Variants in NBPF10 observed in about 807,000 individuals in gnomAD.
NBPF10 encodes the protein NBPF member 10, also known as NBPF family member NBPF10.
A neutral mutation model predicts 77.9 loss-of-function variants in NBPF10; 63 were observed. That is an observed-to-expected ratio of 0.81 (90% confidence interval 0.66 to 1.00). The LOEUF (loss-of-function observed/expected upper bound fraction) is 1.00, where lower values mean the gene tolerates loss of function less well. NBPF10 is among the 50% of genes least tolerant of loss of function. The pLI is 0.00. For missense variants in NBPF10, 522 were observed against 679.8 expected, an observed-to-expected ratio of 0.77 and a Z score of 2.58; for synonymous variants, 146 against 264.5, an observed-to-expected ratio of 0.55 and a Z score of 4.35.
At chr1:146,121,926 A>G (rs1418528985) in intron 19 of NBPF10, among the ~76,000 whole-genome samples, 8,713 of 142,030 alleles carry the variant, frequency 0.061, 297 homozygotes, top group African/African-American at 0.24. Context: ...TGGCCAGGTG[A>G]CATACTGGTA....
chr1:146,126,196 A>G (rs2102168770), intron 14 of NBPF10, 40 bp downstream of exon 14: 1 of 1,105,946 alleles, frequency 9.0e-7, no homozygotes, highest in Admixed American at 1.7e-5. Context: ...TAACCAGAAG[A>G]CTCAGTGGAT....
At chr1:146,136,801 G>A (rs1401680870) in intron 6 of NBPF10, among the ~76,000 whole-genome samples, 7 of 147,024 alleles carry the variant, frequency 4.8e-5, no homozygotes, top group African/African-American at 1.8e-4. Flanking sequence ...CACTGCACTG[G>A]GGCATGAAGT....
chr1:146,067,060 G>T (rs1655158303), intron 89 of NBPF10, 120 bp downstream of exon 89: 1 of 560,954 alleles, frequency 1.8e-6, no homozygotes, highest in South Asian at 1.9e-5. Flanking sequence ...CAACAGCAAT[G>T]ACAGTAGGAG....
exon 14 of NBPF10, chr1:146,126,367 A>G (rs782257154): frequency 2.9e-6 from 4 of 1,388,156 alleles, no homozygotes. Context: ...TGAGTCCTGC[A>G]AGACTTCAGG....
intron 80 of NBPF10, among the ~76,000 whole-genome samples, chr1:146,074,020 A>G (rs1553780354): frequency 2.1e-5 from 2 of 96,092 alleles, no homozygotes; most frequent in South Asian, 6.7e-4. Flanking sequence ...ATCTGCCCAG[A>G]TCCAACATCT....
At chr1:146,136,766 A>G (rs1659753183) in intron 6 of NBPF10, among the ~76,000 whole-genome samples, 1 of 145,626 alleles carries the variant, frequency 6.9e-6, no homozygotes, top group Non-Finnish European at 1.5e-5. Flanking sequence ...CCACTTTCCC[A>G]AGCCTTGCAG....
rs782079552 is a variant in NBPF10 at position 146,067,190 on chromosome 1, G to A, written c.11134C>T (p.Pro3712Ser). ...ATTGCTGAAAGTCACCTGGGGCATG[G>A]TGGGTTTTGATCTTCTTCCCCTTCT... is the stretch of plus-strand genomic sequence containing the variant. Residue 3712 changes from proline to serine, a missense_variant, in exon 89 of 90, where the codon CCA becomes TCA. Pro to Ser is a moderately conservative substitution (Grantham distance 74, BLOSUM62 -1). Around this residue, in one of 9 missense-constraint regions of NBPF10, gnomAD observed 183 missense variants for 96.6 expected, o/e 1.89. Transcript: ENST00000583866. 30 of 617,472 alleles carry A rather than the reference G, an allele frequency of 4.9e-5. No homozygotes were observed. The East Asian group carries it at 8.5e-4, about 18-fold the overall frequency. 38.2% of individuals were successfully genotyped at this position (617,472 alleles called of 1,614,324 possible).
chr1:146,067,756 T>A (rs375570188), intron 88 of NBPF10, among the ~76,000 whole-genome samples: 1 of 151,098 alleles, frequency 6.6e-6, no homozygotes, highest in Non-Finnish European at 1.5e-5. Context: ...CCAGGTCCAA[T>A]GTCATGAGAA....
At chr1:146,123,752 G>A (rs1359291179) in intron 17 of NBPF10, among the ~76,000 whole-genome samples, 175 bp downstream of exon 17, 2 of 56,312 alleles carry the variant, frequency 3.6e-5, no homozygotes, top group Admixed American at 4.2e-4. Context: ...GATAAGGGGA[G>A]GAAGAAATGG....
In NBPF10 at chr1:146,142,672, G is replaced by C. The variant is rs1485224099; in HGVS notation, c.256C>G (p.Leu86Val). The C allele has an allele frequency of 3.7e-6, 5 of 1,353,310 alleles. 1 individual carries two copies. Among genetic ancestry groups the C allele is most frequent in the African/African-American group, 1.4e-5 (1 of 72,160 alleles). The allele number at this position is 1,353,310 out of a possible 1,614,324, so 83.8% of individuals were successfully genotyped here. A position where few individuals can be genotyped will look rare whatever the true frequency, so the allele number is the denominator to read the frequency against. ...CACCTGAGCTCCTCAGCTTGCTTCA[G>C]CTGCTCTGCAAGCTTCTCCTCCTTG... is the stretch of plus-strand genomic sequence containing the variant. The change falls in exon 2 of 90, where the codon CTG becomes GTG. Residue 86 changes from leucine (L) to valine (V), a missense_variant. Physicochemically the swap from Leu to Val is conservative, Grantham distance 32. Coordinates refer to ENST00000583866, the Ensembl canonical transcript of NBPF10.
intron 88 of NBPF10, 89 bp downstream of exon 88, chr1:146,067,914 C>A (rs868995559): frequency 5.7e-6 from 4 of 705,936 alleles, no homozygotes; most frequent in South Asian, 1.5e-5. Context: ...TGACGTCTCT[C>A]GGGTCAGCAA....
intron 5 of NBPF10, among the ~76,000 whole-genome samples, chr1:146,138,834 C>A (rs113374098): frequency 7.0e-6 from 1 of 143,540 alleles, no homozygotes; most frequent in African/African-American, 2.5e-5. Flanking sequence ...ACGCAGGCTG[C>A]AGTGCAGAGG....
chr1:146,134,815 C>A (rs1366004168), intron 8 of NBPF10, among the ~76,000 whole-genome samples: 835 of 122,438 alleles, frequency 6.8e-3, no homozygotes, highest in African/African-American at 0.018. Flanking sequence ...ACGGCAAGGG[C>A]CTTCATCTCA....
At position 146,069,649 on chromosome 1, in the gene NBPF10, A is replaced by C; in HGVS notation, c.10704T>G (p.Tyr3568Ter). The C allele has an allele frequency of 6.6e-7, 1 of 1,521,090 alleles. No homozygotes were observed. 94.2% of individuals were successfully genotyped at this position (1,521,090 alleles called of 1,614,324 possible). Residue 3568 changes from tyrosine to a stop codon, truncating the protein, a stop_gained, in exon 86 of 90, where the codon TAT becomes TAG. Coordinates refer to ENST00000583866, the Ensembl canonical transcript of NBPF10. LOFTEE classifies it high-confidence loss of function. ...GTTCAAGACAACCTGAAGGAGTTGA[A>C]TAACATCTATCCAGTGAGTCCTGCA...
chr1:146,139,130 C>T (rs1275983953), intron 5 of NBPF10, among the ~76,000 whole-genome samples: 4 of 126,678 alleles, frequency 3.2e-5, no homozygotes, highest in African/African-American at 1.1e-4. Context: ...GATGGAGTCT[C>T]GCTCTGTCTC....
intron 88 of NBPF10, among the ~76,000 whole-genome samples, chr1:146,067,801 A>G (rs1284403270): frequency 6.6e-6 from 1 of 151,872 alleles, no homozygotes; most frequent in Non-Finnish European, 1.5e-5. Context: ...GCCTGAGACT[A>G]GGAAGAGAGT....
intron 11 of NBPF10, among the ~76,000 whole-genome samples, chr1:146,129,235 TAAAAACCTTGA>T (rs1427333229): frequency 1.3e-5 from 2 of 151,278 alleles, no homozygotes; most frequent in Non-Finnish European, 2.9e-5. Flanking sequence ...GCAAGGAAGC[TAAAAACCTTGA>T]AAAAAGATTA....
At chr1:146,142,071 G>A (rs1441311699) in intron 2 of NBPF10, among the ~76,000 whole-genome samples, 1 of 126,168 alleles carries the variant, frequency 7.9e-6, no homozygotes, top group African/African-American at 2.6e-5. Context: ...ACAAAAGTAG[G>A]TGTCTTCCTA....
chr1:146,067,781 C>A (rs369727078), intron 88 of NBPF10, among the ~76,000 whole-genome samples: 2 of 151,566 alleles, frequency 1.3e-5, no homozygotes, highest in African/African-American at 2.4e-5. Context: ...ATCAGGGCGC[C>A]ACAGGTATGG....
Sources: allele counts gnomAD v4.1 joint callset (sites outside exome capture counted in the v4.1 genomes callset), GRCh38; gene constraint gnomAD v4.1.1; regional missense constraint gnomAD v4.1.1; transcripts MANE v1.5; gene names NCBI Gene and HGNC (gene_info 2026-07-23, HGNC 2026-07-21).